Variants in LARGE1 observed in about 807,000 individuals in gnomAD.
LARGE1 encodes LARGE xylosyl- and glucuronyltransferase 1, also known as xylosyl- and glucuronyltransferase LARGE1.
LARGE1 carries 43 observed loss-of-function variants against 87.6 expected under a neutral mutation model. The ratio of observed to expected loss-of-function variants is 0.49; its 90% CI spans 0.38 to 0.63. The LOEUF is 0.63. Among genes scored for constraint, LARGE1 ranks in the 30% least tolerant of loss-of-function variants. The probability of loss-of-function intolerance (pLI) is 0.00; values close to 1 mark genes in which losing one functional copy is unlikely to be tolerated. For synonymous variants in LARGE1, 434 were observed against 394.6 expected (o/e 1.10, Z -1.18); for missense variants, 802 against 1,000.2 (o/e 0.80, Z 2.67).
At chr22:33,917,265 T>A (rs1601913879) in intron 1 of LARGE1, among the ~76,000 whole-genome samples, 3 of 152,220 alleles carry the variant, frequency 2.0e-5, no homozygotes, top group Admixed American at 2.0e-4. Flanking sequence ...GTCTCCCCGC[T>A]ACTCCCACCT....
the LARGE1 span, among the ~76,000 whole-genome samples, chr22:33,135,256 T>G: frequency 6.6e-6 from 1 of 152,224 alleles, no homozygotes; most frequent in Middle Eastern, 3.4e-3. Context: ...GGATGAGAGT[T>G]TCAGGGAAGT....
At chr22:33,178,107 T>C (rs931248632) in intron 11 of LARGE1, among the ~76,000 whole-genome samples, 1 of 152,212 alleles carries the variant, frequency 6.6e-6, no homozygotes, top group Non-Finnish European at 1.5e-5. Context: ...AGGTAGTATC[T>C]TTATAGCAAT....
chr22:33,553,195 A>G (rs1247574259), intron 6 of LARGE1, among the ~76,000 whole-genome samples: 1 of 152,188 alleles, frequency 6.6e-6, no homozygotes, highest in South Asian at 2.1e-4. Context: ...GTAGACAGCC[A>G]TCTTATTGTG....
At chr22:33,440,145 G>T (rs2067415812) in intron 6 of LARGE1, among the ~76,000 whole-genome samples, 1 of 152,110 alleles carries the variant, frequency 6.6e-6, no homozygotes, top group South Asian at 2.1e-4. Context: ...TGATTAAAAA[G>T]CTTAAGTGCT....
At chr22:33,342,347 G>A (rs769785283) in intron 9 of LARGE1, among the ~76,000 whole-genome samples, 18 of 152,172 alleles carry the variant, frequency 1.2e-4, no homozygotes, top group Non-Finnish European at 2.1e-4. Context: ...CGCAAACAAA[G>A]CTTAATGGAT....
intron 4 of LARGE1, among the ~76,000 whole-genome samples, chr22:33,623,907 G>A (rs9808890): frequency 0.01 from 1,573 of 152,064 alleles, 30 homozygotes; most frequent in African/African-American, 0.036. Context: ...GCAGGCGCCT[G>A]TAATCCAAGC....
In LARGE1 at chr22:33,476,981, G is replaced by A. The variant is rs73409042; in HGVS notation, c.788-44716C>T. 7.4e-3 allele frequency among the ~76,000 whole-genome samples: 1,131 copies of A among 152,284 alleles called. 7 individuals are homozygous for A. The highest frequency in any genetic ancestry group is 0.025 in the African/African-American group (1,049 of 41,542). On this transcript the variant is annotated intron_variant, in intron 6 of 14. Coordinates refer to ENST00000397394, the MANE Select transcript of LARGE1 (RefSeq NM_133642.5). The stretch of plus-strand genomic sequence containing the variant: ...TGCTGGAATCGAAGGACAGTGGGGA[G>A]CCTTCTGAGCCTGTCACAGTGCTCT...
intron 11 of LARGE1, among the ~76,000 whole-genome samples, chr22:33,248,670 T>C (rs1048551804): frequency 6.6e-6 from 1 of 152,220 alleles, no homozygotes; most frequent in Non-Finnish European, 1.5e-5. Context: ...CATTATAGTA[T>C]CATACAGAGT....
intron 9 of LARGE1, among the ~76,000 whole-genome samples, chr22:33,364,157 C>T (rs2064494933): frequency 6.6e-6 from 1 of 152,080 alleles, no homozygotes; most frequent in Non-Finnish European, 1.5e-5. Flanking sequence ...CGGGTTCACG[C>T]CATTCTCCTG....
chr22:33,756,762 C>G (rs773408179), intron 2 of LARGE1, among the ~76,000 whole-genome samples: 3 of 152,152 alleles, frequency 2.0e-5, no homozygotes, highest in Non-Finnish European at 2.9e-5. Context: ...AAGAACGAAG[C>G]AGACCTGCAA....
At chr22:33,533,305 T>G (rs1258193917) in intron 6 of LARGE1, among the ~76,000 whole-genome samples, 1 of 152,198 alleles carries the variant, frequency 6.6e-6, no homozygotes, top group Non-Finnish European at 1.5e-5. Context: ...CGTCAGCTGC[T>G]GGGTGGCCCT....
chr22:33,577,193 A>G (rs1020358930), intron 5 of LARGE1, among the ~76,000 whole-genome samples: 2 of 152,230 alleles, frequency 1.3e-5, no homozygotes, highest in Non-Finnish European at 2.9e-5. Context: ...AAAATAAGAT[A>G]TTCCAATGGT....
chr22:33,135,355 G>A, the LARGE1 span, among the ~76,000 whole-genome samples: 1 of 152,100 alleles, frequency 6.6e-6, no homozygotes, highest in Non-Finnish European at 1.5e-5. Context: ...AGAGGCTATC[G>A]GTTTGGTGAC....
At chr22:33,072,852 AT>A in the LARGE1 span, among the ~76,000 whole-genome samples, 1 of 152,196 alleles carries the variant, frequency 6.6e-6, no homozygotes, top group Non-Finnish European at 1.5e-5. Context: ...GGTCCAGCTC[AT>A]GCCAATGAAG....
chr22:33,224,001 G>C (rs1925591707), intron 11 of LARGE1, among the ~76,000 whole-genome samples: 1 of 152,174 alleles, frequency 6.6e-6, no homozygotes, highest in Non-Finnish European at 1.5e-5. Flanking sequence ...GGGGCACATA[G>C]AAAGTGCTCA....
At chr22:33,333,716 C>T (rs1569065946) in intron 10 of LARGE1, among the ~76,000 whole-genome samples, 1 of 152,118 alleles carries the variant, frequency 6.6e-6, no homozygotes, top group Non-Finnish European at 1.5e-5. Flanking sequence ...CAGAGGTGAA[C>T]AGTACAAAGT....
rs1473737041 is a variant in LARGE1, at chr22:33,745,196, G to A, written c.106+16175C>T. Among the ~76,000 whole-genome samples, 5 of 152,102 alleles carry A rather than the reference G, an allele frequency of 3.3e-5. No individual in the cohort carries two copies. The East Asian group carries it at 9.6e-4, about 29-fold the overall frequency. ...CTGAAGCATCTGGAATGCAATACAG[G>A]GACTGTTTGGAGCAAAGGTGTGGAC... On this transcript the variant is annotated intron_variant, in intron 2 of 14. Transcript: ENST00000397394.
chr22:33,337,066 A>C (rs528021757), intron 10 of LARGE1, among the ~76,000 whole-genome samples: 1 of 152,008 alleles, frequency 6.6e-6, no homozygotes, highest in Non-Finnish European at 1.5e-5. Flanking sequence ...GTCAAAAAAA[A>C]AAAAAAAAGT....
chr22:33,656,994 A>C (rs369290760), intron 2 of LARGE1: 1 of 152,218 alleles, frequency 6.6e-6, no homozygotes, highest in Non-Finnish European at 1.5e-5. Context: ...GATCTCAATC[A>C]ATCTGAATGT....
Sources: gnomAD v4.1 joint callset for allele counts (sites outside exome capture counted in the v4.1 genomes callset) on GRCh38, gnomAD v4.1.1 for gene constraint, MANE v1.5 for transcripts, NCBI Gene and HGNC (gene_info 2026-07-23, HGNC 2026-07-21) for gene names.